The following AK5 variants were observed in gnomAD, a reference collection of about 807,000 sequenced individuals.
AK5 encodes adenylate kinase 5.
A neutral mutation model predicts 69.5 loss-of-function variants in AK5; 27 were observed. The ratio of observed to expected loss-of-function variants is 0.39; its 90% CI spans 0.29 to 0.54. The LOEUF (loss-of-function observed/expected upper bound fraction) is 0.54, where lower values mean the gene tolerates loss of function less well. Ranked by LOEUF, AK5 falls within the 20% of genes least tolerant of loss-of-function variation. The probability of loss-of-function intolerance (pLI) is 0.71; values close to 1 mark genes in which losing one functional copy is unlikely to be tolerated. For missense variants in AK5, 531 were observed against 700.4 expected (o/e 0.76, Z 2.73); for synonymous variants, 260 against 244.4 (o/e 1.06, Z -0.60).
chr1:77,287,328 A>G (rs746948752), intron 2 of AK5, among the ~76,000 whole-genome samples: 3 of 152,210 alleles, frequency 2.0e-5, no homozygotes, highest in African/African-American at 4.8e-5. Flanking sequence ...TTGTCCAACA[A>G]TTCACTAGAG....
chr1:77,496,549 T>C (rs1425952124), intron 10 of AK5, among the ~76,000 whole-genome samples: 2 of 151,848 alleles, frequency 1.3e-5, no homozygotes, highest in Non-Finnish European at 2.9e-5. Context: ...GAAAAGCAGA[T>C]CCAAGAGATT....
intron 12 of AK5, among the ~76,000 whole-genome samples, chr1:77,525,706 G>A (rs752479874): frequency 4.6e-5 from 7 of 152,184 alleles, no homozygotes; most frequent in Non-Finnish European, 1.0e-4. Flanking sequence ...CATGGGATTT[G>A]GAGGGAACAA....
At chr1:77,496,083 A>C (rs1435628591) in intron 10 of AK5, among the ~76,000 whole-genome samples, 1 of 152,210 alleles carries the variant, frequency 6.6e-6, no homozygotes, top group Non-Finnish European at 1.5e-5. Flanking sequence ...AGCTTGGCAC[A>C]CGCAATGGCA....
chr1:77,496,211 G>A (rs533927332), intron 10 of AK5, among the ~76,000 whole-genome samples: 21 of 152,218 alleles, frequency 1.4e-4, no homozygotes, highest in Non-Finnish European at 2.2e-4. Context: ...AGAAAGTGGG[G>A]GTGAGCCTAA....
chr1:77,356,595 C>T (rs1662537956), intron 6 of AK5, among the ~76,000 whole-genome samples: 1 of 152,158 alleles, frequency 6.6e-6, no homozygotes, highest in Non-Finnish European at 1.5e-5. Flanking sequence ...TAATGCCTGC[C>T]TCCTAAGTGG....
intron 6 of AK5, among the ~76,000 whole-genome samples, chr1:77,348,734 T>TACACACCC (rs751543646): frequency 9.2e-5 from 14 of 152,006 alleles, no homozygotes; most frequent in South Asian, 6.2e-4. Flanking sequence ...TCTATATGTA[T>TACACACCC]ACACACCCAC....
intron 8 of AK5, among the ~76,000 whole-genome samples, chr1:77,475,425 TTATATATATGTATATATATTA>T (rs1654843654): frequency 7.5e-4 from 2 of 2,650 alleles, no homozygotes; most frequent in Admixed American, 0.01. Context: ...ATACTATATA[TTATATATATGTATATATATTA>T]TATATATACA....
intron 13 of AK5, among the ~76,000 whole-genome samples, chr1:77,552,447 G>A (rs1371728080): frequency 8.5e-5 from 13 of 152,114 alleles, no homozygotes; most frequent in Non-Finnish European, 4.4e-5. Context: ...TTAAGACTGG[G>A]TTTTATCTGG....
chr1:77,373,689 G>A (rs994395523), intron 6 of AK5, among the ~76,000 whole-genome samples: 1 of 151,250 alleles, frequency 6.6e-6, no homozygotes, highest in East Asian at 1.9e-4. Context: ...TCGTGCCATT[G>A]CACTCCAGCT....
intron 8 of AK5, among the ~76,000 whole-genome samples, chr1:77,462,084 T>C (rs1240738164): frequency 6.6e-6 from 1 of 152,262 alleles, no homozygotes; most frequent in Non-Finnish European, 1.5e-5. Flanking sequence ...CATTTCTGAC[T>C]TTATGCTTTC....
rs553630830 is a variant in AK5 at position 77,404,571 on chromosome 1, G to T, written c.892-6410G>T. 3.9e-5 allele frequency among the ~76,000 whole-genome samples: 6 copies of T among 152,238 alleles called. No individual in the cohort carries two copies. In the South Asian group the frequency reaches 6.2e-4, roughly 16 times the overall value. On this transcript the variant is annotated intron_variant, in intron 6 of 13. Transcript: ENST00000354567. ...AATTATGATAATATTCAATCAGAAT[G>T]CTCTTCAGGGTTCAGTGCCATAATA... is the stretch of plus-strand genomic sequence containing the variant.
At chr1:77,394,128 T>A (rs1648669917) in intron 6 of AK5, among the ~76,000 whole-genome samples, 1 of 150,170 alleles carries the variant, frequency 6.7e-6, no homozygotes, top group South Asian at 2.1e-4. Context: ...GGCAGGAGAA[T>A]GGAGTGAACC....
chr1:77,550,355 G>A (rs1316206797), intron 13 of AK5, among the ~76,000 whole-genome samples: 1 of 152,050 alleles, frequency 6.6e-6, no homozygotes, highest in Non-Finnish European at 1.5e-5. Context: ...CAGATCTTTC[G>A]GAGAAAGGTC....
chr1:77,371,011 G>A (rs1051066113), intron 6 of AK5, among the ~76,000 whole-genome samples: 1 of 152,148 alleles, frequency 6.6e-6, no homozygotes, highest in African/African-American at 2.4e-5. Flanking sequence ...TTTATGTGTG[G>A]CTGGATGTCA....
At chr1:77,326,802 C>A (rs1660824958) in intron 5 of AK5, among the ~76,000 whole-genome samples, 1 of 152,018 alleles carries the variant, frequency 6.6e-6, no homozygotes. Flanking sequence ...ACTGTTATTT[C>A]TTTTTTAAAT....
intron 6 of AK5, among the ~76,000 whole-genome samples, chr1:77,392,797 T>A (rs969440920): frequency 6.6e-6 from 1 of 151,990 alleles, no homozygotes; most frequent in African/African-American, 2.4e-5. Flanking sequence ...TTCATGGAAA[T>A]CTATTCTGCA....
At chr1:77,529,241 A>C (rs1658442922) in intron 12 of AK5, among the ~76,000 whole-genome samples, 1 of 152,172 alleles carries the variant, frequency 6.6e-6, no homozygotes, top group African/African-American at 2.4e-5. Context: ...GAGTACTTAC[A>C]ATGCGCCAGA....
chr1:77,473,976 G>T (rs896997504), intron 8 of AK5, among the ~76,000 whole-genome samples: 14 of 152,144 alleles, frequency 9.2e-5, no homozygotes, highest in African/African-American at 3.4e-4. Context: ...AGGAGGGGAG[G>T]TGTAAGAAGG....
intron 6 of AK5, among the ~76,000 whole-genome samples, chr1:77,351,476 G>A (rs1662195858): frequency 6.6e-6 from 1 of 152,162 alleles, no homozygotes; most frequent in Non-Finnish European, 1.5e-5. Flanking sequence ...GTTCAGAGAT[G>A]GACGATCTAG....
Sources: allele counts gnomAD v4.1 joint callset (sites outside exome capture counted in the v4.1 genomes callset), GRCh38; gene constraint gnomAD v4.1.1; transcripts MANE v1.5; gene names NCBI Gene and HGNC (gene_info 2026-07-23, HGNC 2026-07-21).